The following GBE1 variants were observed in gnomAD, a reference collection of about 807,000 sequenced individuals.
GBE1 encodes the protein 1,4-alpha-glucan-branching enzyme.
In GBE1, 70 loss-of-function variants were observed where a neutral mutation model predicts 88.8. That is an observed-to-expected ratio of 0.79 (90% confidence interval 0.65 to 0.96). The LOEUF (loss-of-function observed/expected upper bound fraction) is 0.96, where lower values mean the gene tolerates loss of function less well. Among genes scored for constraint, GBE1 ranks in the 40% least tolerant of loss-of-function variants. The pLI, the probability that GBE1 is intolerant of heterozygous loss-of-function variation, is 0.00. For synonymous variants in GBE1, 284 were observed against 300.1 expected, an observed-to-expected ratio of 0.95 and a Z score of 0.56; for missense variants, 872 against 871.0, an observed-to-expected ratio of 1.00 and a Z score of -0.01.
At chr3:81,699,570 C>G (rs1002402165) in intron 2 of GBE1, among the ~76,000 whole-genome samples, 3 of 152,096 alleles carry the variant, frequency 2.0e-5, no homozygotes, top group African/African-American at 7.2e-5. Context: ...GCAAGGAGAG[C>G]CACTCCAAGT....
At chr3:81,699,660 T>C (rs973539121) in intron 2 of GBE1, among the ~76,000 whole-genome samples, 6 of 152,114 alleles carry the variant, frequency 3.9e-5, no homozygotes, top group African/African-American at 1.2e-4. Context: ...GCTGGGAAAC[T>C]AGGCCCTTAT....
chr3:81,581,072 T>G, intron 11 of GBE1, 93 bp downstream of exon 11: 1 of 726,830 alleles, frequency 1.4e-6, no homozygotes, highest in Non-Finnish European at 2.3e-6. Context: ...GGTTTATATT[T>G]CGATATGTTT....
At chr3:81,670,500 T>C (rs749433735) in intron 3 of GBE1, among the ~76,000 whole-genome samples, 2 of 152,214 alleles carry the variant, frequency 1.3e-5, no homozygotes, top group Non-Finnish European at 2.9e-5. Context: ...CATTGGCTGA[T>C]TTGAAGACAG....
rs1000074752 is a variant in GBE1 at position 81,611,116 on chromosome 3, T to A, written c.993-17093A>T. On this transcript the variant is annotated intron_variant, in intron 7 of 15. Coordinates refer to ENST00000429644, the MANE Select transcript of GBE1 (RefSeq NM_000158.4). Reference sequence around the variant, plus strand: ...TTCCCCTGCTACCTTGTATACAAATTATTTATAGGAGTCTAGAAGACAGAA... The same window carrying A: ...TTCCCCTGCTACCTTGTATACAAATAATTTATAGGAGTCTAGAAGACAGAA... 3.0e-4 allele frequency among the ~76,000 whole-genome samples: 45 copies of A among 152,122 alleles called. 1 individual carries two copies. Among genetic ancestry groups the A allele is most frequent in the Non-Finnish European group, 5.3e-4 (36 of 68,012 alleles).
At chr3:81,650,117 A>G (rs763015638) in intron 3 of GBE1, 196 bp from the exon 4 acceptor site, 8 of 410,246 alleles carry the variant, frequency 2.0e-5, no homozygotes, top group Non-Finnish European at 2.6e-5. Flanking sequence ...TATCATCCTT[A>G]AAGTAACTTC....
chr3:81,672,057 T>G (rs188362521), intron 2 of GBE1, among the ~76,000 whole-genome samples: 2 of 152,156 alleles, frequency 1.3e-5, no homozygotes, highest in African/African-American at 4.8e-5. Flanking sequence ...TCAAGCTCAC[T>G]GTTTAATCAA....
intron 10 of GBE1, among the ~76,000 whole-genome samples, chr3:81,582,206 G>A (rs1703740852): frequency 6.6e-6 from 1 of 152,018 alleles, no homozygotes. Flanking sequence ...GGGCACCAGA[G>A]GGCAGAACGT....
chr3:81,619,003 A>G (rs1704287741), intron 7 of GBE1, among the ~76,000 whole-genome samples: 1 of 152,118 alleles, frequency 6.6e-6, no homozygotes, highest in Non-Finnish European at 1.5e-5. Flanking sequence ...TCTTTAAATT[A>G]TATCAAAATA....
At chr3:81,503,089 T>C (rs1443718677) in intron 14 of GBE1, among the ~76,000 whole-genome samples, 1 of 152,194 alleles carries the variant, frequency 6.6e-6, no homozygotes, top group Non-Finnish European at 1.5e-5. Flanking sequence ...ATTACATATA[T>C]TGTTTTTTAT....
In GBE1 at chr3:81,761,459, G is replaced by C; in HGVS notation, c.59C>G (p.Ala20Gly). ...RPEDYEAALN[A>G]ALADVPELAR... Reference sequence around the variant, plus strand: ...CAGTTCGGGCACGTCAGCCAGGGCGGCATTGAGCGCCGCCTCGTAGTCCTC... The same window carrying C: ...CAGTTCGGGCACGTCAGCCAGGGCGCCATTGAGCGCCGCCTCGTAGTCCTC... The change falls in exon 1 of 16, where the codon GCC becomes GGC. Residue 20 changes from alanine (A) to glycine (G), a missense_variant. By Grantham distance (60) the Ala-to-Gly change is moderately conservative. Coordinates refer to ENST00000429644, the MANE Select transcript of GBE1 (RefSeq NM_000158.4). 8 of 1,613,496 alleles carry C rather than the reference G, an allele frequency of 5.0e-6. No individual in the cohort carries two copies. Among genetic ancestry groups the C allele is most frequent in the Non-Finnish European group, 6.8e-6 (8 of 1,179,702 alleles).
intron 14 of GBE1, among the ~76,000 whole-genome samples, chr3:81,520,764 A>T (rs1391243305): frequency 6.6e-6 from 1 of 151,630 alleles, no homozygotes; most frequent in Non-Finnish European, 1.5e-5. Flanking sequence ...ATTGCATTAA[A>T]GAATATTGGT....
intron 12 of GBE1, among the ~76,000 whole-genome samples, chr3:81,571,858 G>C (rs1703579274): frequency 6.6e-6 from 1 of 152,070 alleles, no homozygotes; most frequent in Admixed American, 6.6e-5. Flanking sequence ...GTAAGCTATT[G>C]ATAAAAAAGA....
chr3:81,616,111 T>A (rs1444287495), intron 7 of GBE1, among the ~76,000 whole-genome samples: 1 of 152,178 alleles, frequency 6.6e-6, no homozygotes, highest in East Asian at 1.9e-4. Context: ...GACACATTTA[T>A]GTATTGTGGA....
Position 81,702,100 on chromosome 3 carries a change from AGAGTGTGTGTGTGTGTGTGT to A in GBE1, c.313+3324_313+3343del, listed in dbSNP as rs1446960191. Among the ~76,000 whole-genome samples, 237 of 76,290 alleles carry A rather than the reference AGAGTGTGTGTGTGTGTGTGT, an allele frequency of 3.1e-3. 5 individuals carry two copies. The highest frequency in any genetic ancestry group is 0.015 in the African/African-American group (211 of 14,444). 50.0% of individuals were successfully genotyped at this position (76,290 alleles called of 152,430 possible). A position where few individuals can be genotyped will look rare whatever the true frequency, so the allele number is the denominator to read the frequency against. On this transcript the variant is annotated intron_variant, in intron 2 of 15. Coordinates refer to ENST00000429644, the MANE Select transcript of GBE1 (RefSeq NM_000158.4). ...AATCCCTGGAGAGAGAGAGAGAGAG[AGAGTGTGTGTGTGTGTGTGT>A]GTGTGTGTGTGTGTGTGTGTGTGTG...
chr3:81,752,515 A>T (rs1378500677), intron 1 of GBE1, among the ~76,000 whole-genome samples: 1 of 152,178 alleles, frequency 6.6e-6, no homozygotes, highest in Non-Finnish European at 1.5e-5. Context: ...AGATCAAGAG[A>T]ACAGTGATTT....
chr3:81,514,331 T>C (rs1447604537), intron 14 of GBE1, among the ~76,000 whole-genome samples: 1 of 151,650 alleles, frequency 6.6e-6, no homozygotes, highest in Non-Finnish European at 1.5e-5. Flanking sequence ...TAAAACGTAC[T>C]GAGTGTAATC....
At chr3:81,546,871 T>C (rs1003932816) in intron 12 of GBE1, among the ~76,000 whole-genome samples, 4 of 151,370 alleles carry the variant, frequency 2.6e-5, no homozygotes, top group South Asian at 4.1e-4. Flanking sequence ...CCCTGAATTC[T>C]TTCTTGCCTG....
intron 7 of GBE1, among the ~76,000 whole-genome samples, chr3:81,616,468 A>T (rs999621090): frequency 6.6e-6 from 1 of 152,052 alleles, no homozygotes; most frequent in African/African-American, 2.4e-5. Flanking sequence ...TCATTCCTCC[A>T]CTGCAATGCT....
chr3:81,760,878 G>A (rs954466917), intron 1 of GBE1, among the ~76,000 whole-genome samples: 4 of 152,248 alleles, frequency 2.6e-5, no homozygotes, highest in Admixed American at 2.0e-4. Context: ...AAAACAAAAG[G>A]ATATAGTGTC....
Sources: gnomAD v4.1 joint callset for allele counts (sites outside exome capture counted in the v4.1 genomes callset) on GRCh38, gnomAD v4.1.1 for gene constraint, MANE v1.5 for transcripts, NCBI Gene and HGNC (gene_info 2026-07-23, HGNC 2026-07-21) for gene names.